The following CLNK variants were observed in gnomAD, a reference collection of about 807,000 sequenced individuals.
The protein encoded by CLNK is cytokine dependent hematopoietic cell linker, also known as cytokine-dependent hematopoietic cell linker.
A neutral mutation model predicts 68.6 loss-of-function variants in CLNK; 74 were observed. The ratio of observed to expected loss-of-function variants is 1.08; its 90% CI spans 0.89 to 1.31. CLNK has a LOEUF of 1.31. Ranked by LOEUF, CLNK falls within the 50% of genes most tolerant of loss-of-function variation. The pLI is 0.00. For synonymous variants in CLNK, 198 were observed against 172.2 expected, an observed-to-expected ratio of 1.15 and a Z score of -1.17; for missense variants, 553 against 515.3, an observed-to-expected ratio of 1.07 and a Z score of -0.71.
At chr4:10,572,078 A>T (rs1267019325) in intron 4 of CLNK, among the ~76,000 whole-genome samples, 1 of 152,218 alleles carries the variant, frequency 6.6e-6, no homozygotes, top group African/African-American at 2.4e-5. Context: ...GAGAAACATA[A>T]TATGAGAAGA....
At chr4:10,535,149 G>A (rs116617092) in intron 11 of CLNK, among the ~76,000 whole-genome samples, 79 of 150,550 alleles carry the variant, frequency 5.2e-4, no homozygotes, top group African/African-American at 1.9e-3. Flanking sequence ...AGGAGTTTGA[G>A]ACCAGCCTGG....
the CLNK span, among the ~76,000 whole-genome samples, chr4:10,710,524 T>C: frequency 6.6e-6 from 1 of 152,328 alleles, no homozygotes; most frequent in South Asian, 2.1e-4. Flanking sequence ...TGCCAGACAC[T>C]GTGTGGCTAG....
chr4:10,732,607 C>T, the CLNK span, among the ~76,000 whole-genome samples: 1 of 151,868 alleles, frequency 6.6e-6, no homozygotes, highest in African/African-American at 2.4e-5. Flanking sequence ...TCTGAAGTTC[C>T]ATGGCAATCA....
chr4:10,537,820 C>G (rs754532702), intron 11 of CLNK, among the ~76,000 whole-genome samples: 10 of 146,120 alleles, frequency 6.8e-5, no homozygotes, highest in South Asian at 6.6e-4. Flanking sequence ...TTTTCTTCTT[C>G]TTTTCCTGTG....
chr4:10,492,823 C>A (rs1257593675), intron 18 of CLNK, among the ~76,000 whole-genome samples: 1 of 152,152 alleles, frequency 6.6e-6, no homozygotes, highest in Non-Finnish European at 1.5e-5. Flanking sequence ...GGATCGAGTC[C>A]ATTTCTGTCC....
At chr4:10,660,825 C>T (rs533248622) in intron 2 of CLNK, among the ~76,000 whole-genome samples, 1 of 152,328 alleles carries the variant, frequency 6.6e-6, no homozygotes, top group Non-Finnish European at 1.5e-5. Flanking sequence ...GTATCACTGG[C>T]CATGTCTGCA....
chr4:10,608,007 T>G (rs1194442035), intron 2 of CLNK, among the ~76,000 whole-genome samples: 1 of 152,176 alleles, frequency 6.6e-6, no homozygotes, highest in African/African-American at 2.4e-5. Context: ...GCTGAATCAT[T>G]AGCAGCTGAA....
intron 2 of CLNK, among the ~76,000 whole-genome samples, chr4:10,639,663 TA>T (rs1723231043): frequency 6.6e-6 from 1 of 152,338 alleles, no homozygotes; most frequent in East Asian, 1.9e-4. Flanking sequence ...TAAAATTAAT[TA>T]AACATTTAAA....
At chr4:10,504,266 G>A (rs998401727) in intron 17 of CLNK, among the ~76,000 whole-genome samples, 1 of 151,570 alleles carries the variant, frequency 6.6e-6, no homozygotes, top group Non-Finnish European at 1.5e-5. Flanking sequence ...GACTACAGGC[G>A]CCCGCCACCA....
chr4:10,522,423 A>T (rs1050299849), intron 14 of CLNK, among the ~76,000 whole-genome samples: 18 of 150,642 alleles, frequency 1.2e-4, no homozygotes, highest in African/African-American at 4.4e-4. Flanking sequence ...AAAATACAAA[A>T]ATCAGCTGGG....
chr4:10,537,083 C>A (rs1365656904), intron 11 of CLNK, among the ~76,000 whole-genome samples: 4 of 152,172 alleles, frequency 2.6e-5, no homozygotes, highest in African/African-American at 9.7e-5. Context: ...ATGCCCAGGT[C>A]TCACTTCAGA....
At chr4:10,687,109 G>C (rs1266817615), upstream of CLNK, among the ~76,000 whole-genome samples, 1 of 151,800 alleles carries the variant, frequency 6.6e-6, no homozygotes, top group East Asian at 1.9e-4. Context: ...GCAATGAATA[G>C]TGCCTGATCA....
At chr4:10,686,040 G>T (rs2108906433), upstream of CLNK, among the ~76,000 whole-genome samples, 1 of 152,280 alleles carries the variant, frequency 6.6e-6, no homozygotes, top group Non-Finnish European at 1.5e-5. Context: ...AGGTCAAATT[G>T]TATTGTCTCA....
chr4:10,577,367 G>A (rs758365786), intron 4 of CLNK, among the ~76,000 whole-genome samples: 42 of 152,202 alleles, frequency 2.8e-4, no homozygotes, highest in Admixed American at 5.9e-4. Flanking sequence ...CTAGCCACCT[G>A]TCACTAACTA....
intron 1 of CLNK, among the ~76,000 whole-genome samples, chr4:10,680,639 C>T (rs1366137437): frequency 6.6e-6 from 1 of 152,132 alleles, no homozygotes; most frequent in Non-Finnish European, 1.5e-5. Flanking sequence ...CTACCATTTA[C>T]TTTGTATTTA....
intron 4 of CLNK, among the ~76,000 whole-genome samples, chr4:10,581,855 G>C (rs1174833087): frequency 6.6e-6 from 1 of 151,996 alleles, no homozygotes; most frequent in Non-Finnish European, 1.5e-5. Context: ...CTTCTTGGTG[G>C]GAACAGTCTG....
intron 7 of CLNK, among the ~76,000 whole-genome samples, chr4:10,564,466 C>T (rs1720018211): frequency 6.6e-6 from 1 of 152,144 alleles, no homozygotes; most frequent in Non-Finnish European, 1.5e-5. Context: ...CTGAATTATC[C>T]TTCTTTCTAG....
chr4:10,564,802 G>C, intron 6 of CLNK, 25 bp from the exon 7 acceptor site: 1 of 1,399,202 alleles, frequency 7.1e-7, no homozygotes, highest in Non-Finnish European at 1.0e-6. Flanking sequence ...AAATATGAAA[G>C]TCATACCTTA....
the CLNK span, among the ~76,000 whole-genome samples, chr4:10,725,709 G>C: frequency 6.6e-6 from 1 of 152,072 alleles, no homozygotes; most frequent in South Asian, 2.1e-4. Flanking sequence ...CAAAAAATTA[G>C]CCGGGCGTGT....
Sources: gnomAD v4.1 joint callset for allele counts (sites outside exome capture counted in the v4.1 genomes callset) on GRCh38, gnomAD v4.1.1 for gene constraint, MANE v1.5 for transcripts, NCBI Gene and HGNC (gene_info 2026-07-23, HGNC 2026-07-21) for gene names.